The following SYTL5 variants were observed in gnomAD, a reference collection of about 807,000 sequenced individuals.
SYTL5 encodes the protein synaptotagmin like 5, also known as synaptotagmin-like protein 5.
A neutral mutation model predicts 55.9 loss-of-function variants in SYTL5; 34 were observed. That is an observed-to-expected ratio of 0.61 (90% CI 0.46 to 0.81). SYTL5 has a LOEUF of 0.81. Among genes scored for constraint, SYTL5 ranks in the 30% least tolerant of loss-of-function variants. The pLI is 0.00. For missense variants in SYTL5, 637 were observed against 546.7 expected, an observed-to-expected ratio of 1.17 and a Z score of -1.65; for synonymous variants, 221 against 188.7, an observed-to-expected ratio of 1.17 and a Z score of -1.40.
chrX:37,997,144 C>G, the SYTL5 span, among the ~76,000 whole-genome samples: 1 of 112,802 alleles, frequency 8.9e-6, no homozygotes, highest in Admixed American at 9.3e-5. Flanking sequence ...TCCTACATTC[C>G]TCATGATGGC....
Position 38,021,857 on chromosome X carries a change from A to G in SYTL5, c.-356-11677A>G, listed in dbSNP as rs770588405. 3.6e-5 allele frequency among the ~76,000 whole-genome samples: 4 copies of G among 112,307 alleles called. No homozygotes were observed. In the South Asian group the frequency reaches 1.5e-3, roughly 42 times the overall value. ...TTCTTGAGGGATATATAGCATGGCC[A>G]AGAAATATGAAATAAACCTGTGCTG... On this transcript the variant is annotated intron_variant, in intron 1 of 16. Coordinates refer to ENST00000297875, the MANE Select transcript of SYTL5 (RefSeq NM_138780.3).
the SYTL5 span, among the ~76,000 whole-genome samples, chrX:37,895,710 T>C: frequency 9.1e-6 from 1 of 109,326 alleles, no homozygotes; most frequent in Non-Finnish European, 1.9e-5. Flanking sequence ...CAAGACATTA[T>C]GTCCCCATCC....
At chrX:38,007,990 A>G (rs929363416) in intron 1 of SYTL5, among the ~76,000 whole-genome samples, 1 of 111,792 alleles carries the variant, frequency 8.9e-6, no homozygotes, top group Non-Finnish European at 1.9e-5. Context: ...GGTTTAGTGA[A>G]TAAAATTATT....
chrX:38,109,137 A>T (rs1937294853), intron 12 of SYTL5, among the ~76,000 whole-genome samples: 1 of 112,401 alleles, frequency 8.9e-6, no homozygotes, highest in Non-Finnish European at 1.9e-5. Context: ...TCAGAATTTG[A>T]CCAAATGTAG....
chrX:37,957,090 G>A, the SYTL5 span, among the ~76,000 whole-genome samples: 1 of 106,883 alleles, frequency 9.4e-6, no homozygotes, highest in African/African-American at 3.4e-5. Context: ...TGTCTTGTTG[G>A]GAGAAACGTC....
At chrX:38,000,417 T>TC in the SYTL5 span, among the ~76,000 whole-genome samples, 1 of 112,236 alleles carries the variant, frequency 8.9e-6, no homozygotes, top group Admixed American at 9.4e-5. Flanking sequence ...AGTTCCCTTG[T>TC]CCCCCTCACA....
intron 6 of SYTL5, among the ~76,000 whole-genome samples, chrX:38,082,346 T>G (rs916304330): frequency 8.9e-6 from 1 of 112,304 alleles, no homozygotes; most frequent in African/African-American, 3.2e-5. Flanking sequence ...TTATGTGACA[T>G]GTTACCACTC....
chrX:38,050,541 T>A (rs189333023), intron 2 of SYTL5, among the ~76,000 whole-genome samples: 1 of 111,111 alleles, frequency 9.0e-6, no homozygotes, highest in Admixed American at 9.6e-5. Context: ...CAAGGAAAAT[T>A]AAAGAATGTG....
intron 9 of SYTL5, among the ~76,000 whole-genome samples, chrX:38,097,803 C>T (rs1300667523): frequency 3.7e-5 from 4 of 108,545 alleles, no homozygotes; most frequent in African/African-American, 1.3e-4. Context: ...TAAAAACTTA[C>T]TCTACAGTTA....
At chrX:38,065,441 A>G (rs1475918900) in intron 3 of SYTL5, among the ~76,000 whole-genome samples, 1 of 112,005 alleles carries the variant, frequency 8.9e-6, no homozygotes, top group African/African-American at 3.2e-5. Flanking sequence ...TCATTCGTGA[A>G]CAGTGATTTC....
At chrX:38,099,563 C>G (rs768550810) in intron 9 of SYTL5, among the ~76,000 whole-genome samples, 17 of 110,880 alleles carry the variant, frequency 1.5e-4, no homozygotes, top group Admixed American at 9.6e-5. Context: ...AATTTAGATG[C>G]CTTTTATTTC....
intron 3 of SYTL5, among the ~76,000 whole-genome samples, chrX:38,070,983 C>T (rs1389152939): frequency 1.8e-5 from 2 of 111,294 alleles, no homozygotes; most frequent in Non-Finnish European, 3.8e-5. Flanking sequence ...GGTCCCTGCC[C>T]TCATTTCACT....
chrX:38,125,402 A>T lies in SYTL5; in HGVS notation c.1946A>T (p.His649Leu). 1.7e-6 allele frequency: 2 copies of T among 1,209,895 alleles called. No individual in the cohort carries two copies. Among genetic ancestry groups the T allele is most frequent in the African/African-American group, 3.5e-5 (2 of 57,817 alleles). The change falls in exon 16 of 17, where the codon CAT (histidine) becomes CTT (leucine). Residue 649 changes from histidine (H) to leucine (L), a missense_variant. Transcript: ENST00000297875. ...CATACATTCATGTTCAGTGGCATCC[A>T]TCCCCAGGATATAAAGAATGTTTGC... is the stretch of plus-strand genomic sequence containing the variant. ...WNHTFMFSGI[H>L]PQDIKNVCLE...
chrX:37,984,472 A>C, the SYTL5 span, among the ~76,000 whole-genome samples: 1 of 112,197 alleles, frequency 8.9e-6, no homozygotes, highest in Non-Finnish European at 1.9e-5. Flanking sequence ...CTAAGAAATA[A>C]ATAGATTGAA....
At chrX:37,987,321 C>A in the SYTL5 span, among the ~76,000 whole-genome samples, 1 of 112,074 alleles carries the variant, frequency 8.9e-6, no homozygotes, top group Admixed American at 9.4e-5. Flanking sequence ...TACTGCTGTC[C>A]TTTTTTACCA....
chrX:38,026,130 G>A (rs914429755), intron 1 of SYTL5, among the ~76,000 whole-genome samples: 12 of 112,472 alleles, frequency 1.1e-4, no homozygotes, highest in Admixed American at 7.5e-4. Flanking sequence ...TGGAACATGC[G>A]CTACAGGGAA....
At chrX:38,036,279 C>G (rs1294718212) in intron 2 of SYTL5, among the ~76,000 whole-genome samples, 1 of 111,417 alleles carries the variant, frequency 9.0e-6, no homozygotes, top group East Asian at 2.8e-4. Flanking sequence ...GCACTCCAGC[C>G]TGGGTGACAG....
chrX:38,120,996 G>T (rs1050628676), intron 14 of SYTL5, among the ~76,000 whole-genome samples: 2 of 111,804 alleles, frequency 1.8e-5, no homozygotes, highest in Admixed American at 1.9e-4. Context: ...GGTTCTGCAG[G>T]CTATGTAGGA....
At chrX:38,095,303 C>G (rs1298358942) in intron 8 of SYTL5, among the ~76,000 whole-genome samples, 1 of 112,093 alleles carries the variant, frequency 8.9e-6, no homozygotes. Flanking sequence ...ACTACTACTT[C>G]TACTCAACAG....
Sources: gnomAD v4.1 joint callset for allele counts (sites outside exome capture counted in the v4.1 genomes callset) on GRCh38, gnomAD v4.1.1 for gene constraint, MANE v1.5 for transcripts, NCBI Gene and HGNC (gene_info 2026-07-23, HGNC 2026-07-21) for gene names.